The following STS variants were observed in gnomAD, a reference collection of about 807,000 sequenced individuals.
STS encodes the protein steryl-sulfatase.
Under a neutral mutation model 26.8 loss-of-function variants are expected in STS, and 7 were observed. The ratio of observed to expected loss-of-function variants is 0.26; its 90% CI spans 0.15 to 0.49. The LOEUF is 0.49. Ranked by LOEUF, STS falls within the 20% of genes least tolerant of loss-of-function variation. STS has a pLI of 0.98. For missense variants in STS, 434 were observed against 465.6 expected (o/e 0.93, Z 0.63); for synonymous variants, 199 against 189.4 (o/e 1.05, Z -0.42).
At chrX:7,329,416 T>C (rs1274814994) in intron 9 of STS, among the ~76,000 whole-genome samples, 1 of 112,272 alleles carries the variant, frequency 8.9e-6, no homozygotes, top group Non-Finnish European at 1.9e-5. Context: ...TATTGCTCTT[T>C]TATGGAAAAT....
intron 8 of STS, among the ~76,000 whole-genome samples, chrX:7,324,044 A>T (rs776922066): frequency 5.4e-5 from 6 of 111,748 alleles, no homozygotes; most frequent in Non-Finnish European, 9.4e-5. Context: ...AGATCCTAAG[A>T]ATATGTACCT....
At chrX:7,336,574 T>G (rs1928040524) in intron 10 of STS, among the ~76,000 whole-genome samples, 1 of 111,963 alleles carries the variant, frequency 8.9e-6, no homozygotes, top group South Asian at 3.7e-4. Context: ...CTGGAAGCAT[T>G]TTATTCACAT....
At position 7,314,868 on chromosome X, in the gene STS, G is replaced by A. The variant is rs1056256494; in HGVS notation, c.1081+9685G>A. On this transcript the variant is annotated intron_variant, in intron 8 of 10. Transcript: ENST00000674429. ...TGGCCACGGTGGGTAACTGGGCTCT[G>A]TGAGGGCAGGGAGTGGGCATAGCTC... Among the ~76,000 whole-genome samples the A allele has an allele frequency of 6.2e-5, 7 of 112,294 alleles. No individual in the cohort carries two copies. In the Admixed American group the frequency reaches 6.6e-4, roughly 11 times the overall value.
At chrX:7,349,316 CTTTTTTTTTTT>C (rs1178578773) in intron 10 of STS, among the ~76,000 whole-genome samples, 2 of 52,887 alleles carry the variant, frequency 3.8e-5, no homozygotes, top group African/African-American at 1.5e-4. Flanking sequence ...CATTTAATTC[CTTTTTTTTTTT>C]TTTTTTTTTT....
chrX:7,250,918 T>C (rs1229633293), intron 2 of STS, among the ~76,000 whole-genome samples: 1 of 112,489 alleles, frequency 8.9e-6, no homozygotes, highest in Non-Finnish European at 1.9e-5. Flanking sequence ...GACTGGACAG[T>C]GGACACTCAG....
At chrX:7,225,481 C>T (rs189174155) in intron 2 of STS, among the ~76,000 whole-genome samples, 16 of 111,951 alleles carry the variant, frequency 1.4e-4, no homozygotes, top group African/African-American at 5.2e-4. Context: ...TACTTAACTC[C>T]TCCAGCAGTG....
intron 3 of STS, among the ~76,000 whole-genome samples, chrX:7,256,939 A>G (rs1182648654): frequency 8.9e-6 from 1 of 112,194 alleles, no homozygotes; most frequent in Non-Finnish European, 1.9e-5. Flanking sequence ...ATAAAGAGCC[A>G]TAGACAGTTT....
rs1168907772 is a variant in STS at position 7,347,654 on chromosome X, C to A, written c.1364-2234C>A. ...TGAATTTATTCCAGGAGCCTGTATTCTCCTGGGGTTTTAAACACAAAGAGG... is the reference window on the plus strand; with the variant it reads ...TGAATTTATTCCAGGAGCCTGTATTATCCTGGGGTTTTAAACACAAAGAGG... On this transcript the variant is annotated intron_variant, in intron 10 of 10. Transcript: ENST00000674429. 5.4e-5 allele frequency among the ~76,000 whole-genome samples: 6 copies of A among 111,538 alleles called. No homozygotes were observed. The Admixed American group carries it at 5.7e-4, about 11-fold the overall frequency.
chrX:7,220,700 C>T (rs1257257504), intron 2 of STS, among the ~76,000 whole-genome samples: 2 of 108,682 alleles, frequency 1.8e-5, no homozygotes, highest in African/African-American at 6.7e-5. Flanking sequence ...AGGAGCCCGC[C>T]ACCACGCCCG....
rs746881367 is a variant in STS at position 7,350,141 on chromosome X, G to A, written c.1617G>A (p.Val539=). 8.3e-7 allele frequency: 1 copy of A among 1,211,881 alleles called. No individual in the cohort carries two copies. Among genetic ancestry groups the A allele is most frequent in the East Asian group, 3.0e-5 (1 of 33,826 alleles). The change falls in exon 11 of 11, where the codon GTG becomes GTA. Residue 539 remains valine, a synonymous_variant. Transcript: ENST00000674429. ...ADRHTQTLPE[V]PDQFSWNNFL... ...GACACACCCAGACCCTGCCAGAGGTGCCCGATCAGTTTTCATGGAACAACT... is the reference window on the plus strand; with the variant it reads ...GACACACCCAGACCCTGCCAGAGGTACCCGATCAGTTTTCATGGAACAACT...
At chrX:7,324,073 C>G (rs775413668) in intron 8 of STS, among the ~76,000 whole-genome samples, 3 of 110,327 alleles carry the variant, frequency 2.7e-5, no homozygotes, top group Non-Finnish European at 5.7e-5. Flanking sequence ...CTGGCTACAG[C>G]TTGATTTATA....
chrX:7,270,180 A>G (rs1337993087), intron 6 of STS, among the ~76,000 whole-genome samples: 2 of 112,158 alleles, frequency 1.8e-5, no homozygotes, highest in African/African-American at 3.2e-5. Flanking sequence ...AGTGGCAATA[A>G]ATTTTCAGAA....
In STS at chrX:7,217,771, G is replaced by A. The variant is rs759424815; in HGVS notation, c.-5+26763G>A. Among the ~76,000 whole-genome samples, 4 of 111,017 alleles carry A rather than the reference G, an allele frequency of 3.6e-5. No individual in the cohort carries two copies. The East Asian group carries it at 8.5e-4, about 24-fold the overall frequency. On this transcript the variant is annotated intron_variant, in intron 2 of 10. Transcript: ENST00000674429. ...ACCAGGCTAGAGTCCCTTCCCCAGG[G>A]CCCAGTAAGACTTTCATGGGCCATG...
In STS at chrX:7,350,145, G is replaced by A. The variant is rs769939367; in HGVS notation, c.1621G>A (p.Asp541Asn). 2.2e-5 allele frequency: 27 copies of A among 1,210,421 alleles called. No individual in the cohort carries two copies. The highest frequency in any genetic ancestry group is 2.6e-5 in the Non-Finnish European group (23 of 895,153). Residue 541 changes from aspartate to asparagine, a missense_variant, in exon 11 of 11, where the codon GAT becomes AAT. Asp to Asn is a conservative substitution (Grantham distance 23). Coordinates refer to ENST00000674429, the MANE Select transcript of STS (RefSeq NM_001320752.2). ...CACCCAGACCCTGCCAGAGGTGCCC[G>A]ATCAGTTTTCATGGAACAACTTTCT... ...RHTQTLPEVP[D>N]QFSWNNFLWK...
intron 6 of STS, among the ~76,000 whole-genome samples, chrX:7,268,054 C>A (rs1276641465): frequency 9.1e-6 from 1 of 110,090 alleles, no homozygotes; most frequent in African/African-American, 3.3e-5. Flanking sequence ...CAACTCTCCA[C>A]AGAAAACACA....
At chrX:7,204,909 C>T (rs1313265746) in intron 2 of STS, among the ~76,000 whole-genome samples, 2 of 108,060 alleles carry the variant, frequency 1.9e-5, no homozygotes, top group Non-Finnish European at 3.8e-5. Flanking sequence ...CCTTCGCTCT[C>T]TCTCTTGCTC....
chrX:7,306,104 CTGGCTT>C (rs1926203470), intron 8 of STS, among the ~76,000 whole-genome samples: 1 of 111,600 alleles, frequency 9.0e-6, no homozygotes, highest in South Asian at 3.8e-4. Flanking sequence ...GACCCAGCTA[CTGGCTT>C]GTATAGTGTA....
intron 2 of STS, among the ~76,000 whole-genome samples, chrX:7,244,430 C>T (rs1204820343): frequency 8.9e-6 from 1 of 111,778 alleles, no homozygotes; most frequent in Non-Finnish European, 1.9e-5. Flanking sequence ...TTTACACCTA[C>T]TCAAATGGTT....
At chrX:7,327,487 G>T (rs748933267) in intron 9 of STS, among the ~76,000 whole-genome samples, 225 of 107,952 alleles carry the variant, frequency 2.1e-3, no homozygotes, top group Non-Finnish European at 2.9e-3. Flanking sequence ...AAGCTCAAGC[G>T]ATCCTCCCAC....
Sources: allele counts gnomAD v4.1 joint callset (sites outside exome capture counted in the v4.1 genomes callset), GRCh38; gene constraint gnomAD v4.1.1; transcripts MANE v1.5; gene names NCBI Gene and HGNC (gene_info 2026-07-23, HGNC 2026-07-21).